Variants in TSPAN9 observed in about 807,000 individuals in gnomAD.
TSPAN9 encodes the protein tetraspanin 9.
Under a neutral mutation model 31.0 loss-of-function variants are expected in TSPAN9, and 16 were observed. The ratio of observed to expected loss-of-function variants is 0.52; its 90% CI spans 0.35 to 0.78. The LOEUF (loss-of-function observed/expected upper bound fraction) is 0.78. TSPAN9 is among the 30% of genes least tolerant of loss of function. TSPAN9 has a pLI of 0.01. For synonymous variants in TSPAN9, 145 were observed against 121.6 expected, an observed-to-expected ratio of 1.19 and a Z score of -1.27; for missense variants, 272 against 312.5, an observed-to-expected ratio of 0.87 and a Z score of 0.98.
rs1461706423 is a variant in TSPAN9, at chr12:3,143,304, T to G, written c.-17-57873T>G. On this transcript the variant is annotated intron_variant, in intron 2 of 8. Transcript: ENST00000011898. This position sits in a 1 kb window ranked among gnomAD's most constrained non-coding sequence, Gnocchi z 4.2. ...ATATTTATAATTATATTAATTATAA[T>G]TAATACACCATTAATGTCTTGAGGG... Among the ~76,000 whole-genome samples, 2 of 149,562 alleles carry G rather than the reference T, an allele frequency of 1.3e-5. No homozygotes were observed. Among genetic ancestry groups the G allele is most frequent in the Non-Finnish European group, 3.0e-5 (2 of 67,548 alleles).
chr12:3,138,295 C>T (rs931338912), intron 2 of TSPAN9, among the ~76,000 whole-genome samples: 2 of 152,096 alleles, frequency 1.3e-5, no homozygotes, highest in Non-Finnish European at 2.9e-5. Context: ...AAGTGCAGGG[C>T]CCAGCTGAGA....
chr12:3,077,490 C>T (rs1237878039), intron 1 of TSPAN9, 37 bp downstream of exon 1: 1 of 152,290 alleles, frequency 6.6e-6, no homozygotes, highest in Non-Finnish European at 1.5e-5. Flanking sequence ...CGAGGCGGGT[C>T]TCGAGAGCGT....
intron 2 of TSPAN9, among the ~76,000 whole-genome samples, chr12:3,109,500 G>A (rs1412606483): frequency 4.6e-5 from 7 of 151,626 alleles, no homozygotes; most frequent in Non-Finnish European, 8.8e-5. Context: ...GTTTTGTTAG[G>A]AACCTAGTAA....
Position 3,285,456 on chromosome 12 carries a change from T to A in TSPAN9, c.*2340T>A, listed in dbSNP as rs1862997267. ...AGTGCTCCCACCAGCCCCCACCTCATCCGTCTGTTTGCAGAGCCTCATCTA... is the reference window on the plus strand; with the variant it reads ...AGTGCTCCCACCAGCCCCCACCTCAACCGTCTGTTTGCAGAGCCTCATCTA... On this transcript the variant is annotated 3_prime_UTR_variant, in exon 9 of 9. Coordinates refer to ENST00000011898, the MANE Select transcript of TSPAN9 (RefSeq NM_006675.5). 6.6e-6 allele frequency: 1 copy of A among 152,326 alleles called. No individual in the cohort carries two copies. Among genetic ancestry groups the A allele is most frequent in the South Asian group, 2.1e-4 (1 of 4,834 alleles). The allele number at this position is 152,326 out of a possible 1,614,324, so 9.4% of individuals were successfully genotyped here.
intron 2 of TSPAN9, among the ~76,000 whole-genome samples, chr12:3,105,738 A>G (rs1295098625): frequency 7.5e-6 from 1 of 133,722 alleles, no homozygotes; most frequent in Non-Finnish European, 1.7e-5. Context: ...ACGCGCGTGC[A>G]CACACACACT....
chr12:3,222,464 C>T (rs187825846), intron 3 of TSPAN9, among the ~76,000 whole-genome samples: 1 of 152,240 alleles, frequency 6.6e-6, no homozygotes, highest in African/African-American at 2.4e-5. Context: ...GACCTTCTGT[C>T]TGCCAGGCTA....
intron 3 of TSPAN9, among the ~76,000 whole-genome samples, chr12:3,243,479 C>T (rs2098397705): frequency 1.3e-5 from 2 of 152,234 alleles, no homozygotes; most frequent in Admixed American, 6.5e-5. Flanking sequence ...TCAAGCCCCT[C>T]ACTCTTCCCA....
intron 2 of TSPAN9, among the ~76,000 whole-genome samples, chr12:3,181,737 C>G (rs1261533936): frequency 6.6e-6 from 1 of 152,130 alleles, no homozygotes; most frequent in African/African-American, 2.4e-5. Context: ...GCCTTCTGAC[C>G]CCAGCCCTCG....
At chr12:3,180,525 C>T (rs1179518755) in intron 2 of TSPAN9, among the ~76,000 whole-genome samples, 2 of 151,922 alleles carry the variant, frequency 1.3e-5, no homozygotes, top group Non-Finnish European at 2.9e-5. Context: ...GATTTTATAA[C>T]CCAATAATGG....
chr12:3,140,069 G>A (rs1295627275), intron 2 of TSPAN9, among the ~76,000 whole-genome samples: 7 of 152,192 alleles, frequency 4.6e-5, no homozygotes, highest in Non-Finnish European at 2.9e-5. Context: ...CTTAGGCCTA[G>A]GAAGGGTATC....
At chr12:3,219,941 G>A (rs1013097646) in intron 3 of TSPAN9, among the ~76,000 whole-genome samples, 3 of 151,716 alleles carry the variant, frequency 2.0e-5, no homozygotes, top group Non-Finnish European at 2.9e-5. Flanking sequence ...GATCACCTGA[G>A]GTCAGGAGTT....
At chr12:3,155,987 G>A (rs188816232) in intron 2 of TSPAN9, among the ~76,000 whole-genome samples, 1 of 152,312 alleles carries the variant, frequency 6.6e-6, no homozygotes, top group African/African-American at 2.4e-5. Flanking sequence ...TATGAGCCTA[G>A]TGATACTTAA....
intron 2 of TSPAN9, among the ~76,000 whole-genome samples, chr12:3,122,061 G>A (rs1033334365): frequency 6.6e-6 from 1 of 152,084 alleles, no homozygotes; most frequent in African/African-American, 2.4e-5. Flanking sequence ...AGTTGGCCGG[G>A]CGCGTGGCTC....
chr12:3,106,770 CGACAA>C (rs1269629500), intron 2 of TSPAN9, among the ~76,000 whole-genome samples: 1 of 150,060 alleles, frequency 6.7e-6, no homozygotes, highest in Non-Finnish European at 1.5e-5. Flanking sequence ...GACCCTGTCT[CGACAA>C]AACAAAACAA....
At chr12:3,255,744 A>G (rs481136) in intron 3 of TSPAN9, among the ~76,000 whole-genome samples, 59,291 of 152,166 alleles carry the variant, frequency 0.39, 11,783 homozygotes, top group East Asian at 0.47. Context: ...TCTTTCAAAC[A>G]GACATGCTCT....
chr12:3,125,935 T>C (rs2098327184), intron 2 of TSPAN9, among the ~76,000 whole-genome samples: 1 of 152,212 alleles, frequency 6.6e-6, no homozygotes, highest in Non-Finnish European at 1.5e-5. Context: ...CAAAACCTGT[T>C]GTTTGGATGA....
At chr12:3,154,361 C>A (rs79568826) in intron 2 of TSPAN9, among the ~76,000 whole-genome samples, 11,841 of 152,196 alleles carry the variant, frequency 0.078, 488 homozygotes, top group Non-Finnish European at 0.093. Flanking sequence ...ATAGATTTTG[C>A]GTATGTTGCT....
chr12:3,156,405 G>A (rs1004195841), intron 2 of TSPAN9, among the ~76,000 whole-genome samples: 1 of 152,216 alleles, frequency 6.6e-6, no homozygotes, highest in African/African-American at 2.4e-5. Context: ...CCAGGAGATA[G>A]GGTGCTGATA....
At chr12:3,146,017 G>T (rs938360930) in intron 2 of TSPAN9, among the ~76,000 whole-genome samples, 2 of 152,236 alleles carry the variant, frequency 1.3e-5, no homozygotes, top group African/African-American at 4.8e-5. Context: ...CTTCCACCAC[G>T]AGGCTCCCGC....
Sources: gnomAD v4.1 joint callset for allele counts (sites outside exome capture counted in the v4.1 genomes callset) on GRCh38, gnomAD v4.1.1 for gene constraint, Gnocchi (gnomAD v3.1) non-coding constraint, MANE v1.5 for transcripts, NCBI Gene and HGNC (gene_info 2026-07-23, HGNC 2026-07-21) for gene names.